SENP6: variants seen among roughly 807,000 people sequenced by gnomAD.
The protein encoded by SENP6 is SUMO specific peptidase 6.
A neutral mutation model predicts 134.5 loss-of-function variants in SENP6; 41 were observed. That is an observed-to-expected ratio of 0.30 (90% confidence interval 0.24 to 0.40). The LOEUF (loss-of-function observed/expected upper bound fraction) is 0.40, where lower values mean the gene tolerates loss of function less well. Ranked by LOEUF, SENP6 falls within the 10% of genes least tolerant of loss-of-function variation. SENP6 has a pLI of 1.00. For synonymous variants in SENP6, 395 were observed against 429.8 expected (o/e 0.92, Z 1.00); for missense variants, 1,248 against 1,312.5 (o/e 0.95, Z 0.76).
intron 17 of SENP6, 66 bp downstream of exon 17, chr6:75,695,989 C>G: frequency 7.2e-7 from 1 of 1,388,560 alleles, no homozygotes; most frequent in Non-Finnish European, 9.7e-7. Context: ...TGAAAAATCA[C>G]GTACTTGAAA....
chr6:75,661,006 A>G (rs1771732333), intron 8 of SENP6, among the ~76,000 whole-genome samples: 2 of 152,264 alleles, frequency 1.3e-5, no homozygotes, highest in African/African-American at 4.8e-5. Flanking sequence ...AGAAGGAAAT[A>G]TCTTCTCCTT....
At chr6:75,694,173 T>C (rs766036935) in intron 16 of SENP6, among the ~76,000 whole-genome samples, 3 of 152,166 alleles carry the variant, frequency 2.0e-5, no homozygotes, top group South Asian at 2.1e-4. Context: ...AGAGAATCGC[T>C]TGAACCCGGG....
intron 23 of SENP6, 63 bp from the exon 24 acceptor site, chr6:75,715,322 C>T: frequency 8.2e-7 from 1 of 1,220,050 alleles, no homozygotes; most frequent in Non-Finnish European, 1.2e-6. Context: ...CGGAATGTTT[C>T]TGTGATTGAA....
intron 13 of SENP6, 57 bp downstream of exon 13, chr6:75,676,111 C>T (rs1158741574): frequency 8.2e-7 from 1 of 1,219,694 alleles, no homozygotes; most frequent in East Asian, 2.7e-5. Context: ...TTTACAATAT[C>T]TGTTAAATAG....
intron 16 of SENP6, among the ~76,000 whole-genome samples, chr6:75,695,415 G>GA (rs1309899891): frequency 6.6e-6 from 1 of 152,216 alleles, no homozygotes; most frequent in Non-Finnish European, 1.5e-5. Flanking sequence ...TGGTTCTAAA[G>GA]AAAAAAGATT....
intron 5 of SENP6, among the ~76,000 whole-genome samples, chr6:75,637,498 A>T (rs1332878186): frequency 1.3e-5 from 2 of 152,194 alleles, no homozygotes; most frequent in African/African-American, 4.8e-5. Flanking sequence ...ACTAATAGTG[A>T]TAGAGAAGTA....
At position 75,623,884 on chromosome 6, in the gene SENP6, C is replaced by G; in HGVS notation, c.147-16C>G. The stretch of plus-strand genomic sequence containing the variant: ...TGATTGCTACTTATGTTTTTTTCCC[C>G]TTATTTTCTGTGTAGTGGGACAAAT... On this transcript the variant is annotated splice_polypyrimidine_tract_variant and intron_variant, in intron 2 of 23. Transcript: ENST00000447266. 6.3e-7 allele frequency: 1 copy of G among 1,587,388 alleles called. No homozygotes were observed. Among genetic ancestry groups the G allele is most frequent in the Non-Finnish European group, 8.6e-7 (1 of 1,166,960 alleles).
chr6:75,628,392 T>C (rs1768860555), intron 3 of SENP6, among the ~76,000 whole-genome samples: 1 of 152,178 alleles, frequency 6.6e-6, no homozygotes, highest in Non-Finnish European at 1.5e-5. Context: ...TAATTATTAA[T>C]GAACACTTGA....
chr6:75,690,488 T>G (rs1402285276), intron 16 of SENP6, among the ~76,000 whole-genome samples: 1 of 152,102 alleles, frequency 6.6e-6, no homozygotes, highest in Non-Finnish European at 1.5e-5. Flanking sequence ...AGTAGTCAAA[T>G]TCATAGAAAC....
At chr6:75,696,803 A>G (rs1774693670) in intron 17 of SENP6, among the ~76,000 whole-genome samples, 1 of 152,126 alleles carries the variant, frequency 6.6e-6, no homozygotes, top group Admixed American at 6.6e-5. Flanking sequence ...CCTCTCCAAT[A>G]GTGATGGCAT....
Position 75,602,541 on chromosome 6 carries a change from G to A in SENP6, c.17G>A (p.Ser6Asn), listed in dbSNP as rs1417572371. 1.3e-6 allele frequency: 2 copies of A among 1,551,584 alleles called. No homozygotes were observed. Among genetic ancestry groups the A allele is most frequent in the Non-Finnish European group, 1.7e-6 (2 of 1,146,944 alleles). The change falls in exon 1 of 24, where the codon AGC (serine) becomes AAC (asparagine). Residue 6 changes from serine to asparagine, a missense_variant. This residue lies in a region of SENP6 where 733 missense variants were observed against 725.4 expected (regional missense o/e 1.01). Coordinates refer to ENST00000447266, the MANE Select transcript of SENP6 (RefSeq NM_015571.4). MAAGKSGGSAGEITFL... is the reference protein window; with the variant it reads MAAGKNGGSAGEITFL... The stretch of plus-strand genomic sequence containing the variant: ...AGGAGGAAGATGGCGGCCGGCAAGA[G>A]CGGCGGTAGCGCAGGGGAGATTACT...
intron 21 of SENP6, among the ~76,000 whole-genome samples, chr6:75,713,212 C>T (rs1775853189): frequency 6.6e-6 from 1 of 151,984 alleles, no homozygotes; most frequent in Non-Finnish European, 1.5e-5. Flanking sequence ...TGACTTTTTA[C>T]TAATTTTGAA....
At chr6:75,631,615 G>A (rs1219524709) in intron 3 of SENP6, among the ~76,000 whole-genome samples, 1 of 152,076 alleles carries the variant, frequency 6.6e-6, no homozygotes, top group Non-Finnish European at 1.5e-5. Flanking sequence ...TCAAATCTGT[G>A]TCCATAAGTA....
At chr6:75,670,786 TATATA>T in intron 11 of SENP6, 66 bp downstream of exon 11, 1 of 827,036 alleles carries the variant, frequency 1.2e-6, no homozygotes, top group Non-Finnish European at 1.6e-6. Flanking sequence ...CTAAAGCTAA[TATATA>T]ATATTTAAAA....
chr6:75,641,865 T>A (rs557926654), intron 6 of SENP6, among the ~76,000 whole-genome samples: 1 of 152,062 alleles, frequency 6.6e-6, no homozygotes, highest in African/African-American at 2.4e-5. Context: ...GTAAACAAAC[T>A]GGAAAGTCCA....
intron 10 of SENP6, among the ~76,000 whole-genome samples, chr6:75,669,582 A>G (rs1772511916): frequency 6.6e-6 from 1 of 152,186 alleles, no homozygotes; most frequent in African/African-American, 2.4e-5. Flanking sequence ...AGATACTAAT[A>G]TAATTACTTG....
intron 9 of SENP6, among the ~76,000 whole-genome samples, chr6:75,666,461 A>G (rs1772253911): frequency 6.6e-6 from 1 of 150,732 alleles, no homozygotes; most frequent in African/African-American, 2.4e-5. Context: ...TGTAAAATCA[A>G]ATTTTATATT....
intron 16 of SENP6, among the ~76,000 whole-genome samples, chr6:75,684,468 C>T (rs2149885200): frequency 6.6e-6 from 1 of 152,284 alleles, no homozygotes; most frequent in Admixed American, 6.5e-5. Context: ...GCATCCTTGT[C>T]TTGTGCTGGT....
chr6:75,614,274 T>G (rs9352229), intron 1 of SENP6, among the ~76,000 whole-genome samples: 14,322 of 151,080 alleles, frequency 0.095, 686 homozygotes, highest in Non-Finnish European at 0.11. Context: ...TTTTTTTTTT[T>G]TTTTTGTTTG....
Sources: gnomAD v4.1 joint callset for allele counts (sites outside exome capture counted in the v4.1 genomes callset) on GRCh38, gnomAD v4.1.1 for gene constraint, gnomAD v4.1.1 regional missense constraint, MANE v1.5 for transcripts, NCBI Gene and HGNC (gene_info 2026-07-23, HGNC 2026-07-21) for gene names.